The following PDZD9 variants were observed in gnomAD, a reference collection of about 807,000 sequenced individuals.
PDZD9 encodes PDZ domain containing 9.
In PDZD9, 13 loss-of-function variants were observed where a neutral mutation model predicts 16.3. That is an observed-to-expected ratio of 0.80 (90% CI 0.52 to 1.27). The LOEUF is 1.27. PDZD9 is among the 50% of genes most tolerant of loss of function. The pLI is 0.00. For synonymous variants in PDZD9, 120 were observed against 111.0 expected (o/e 1.08, Z -0.51); for missense variants, 288 against 310.9 (o/e 0.93, Z 0.55).
chr16:21,975,168 A>G, the PDZD9 span, among the ~76,000 whole-genome samples: 2 of 152,170 alleles, frequency 1.3e-5, no homozygotes, highest in Admixed American at 6.5e-5. Flanking sequence ...GGTGAGAAGT[A>G]TGAGGAGATA....
At chr16:21,983,179 G>T, downstream of PDZD9, 1 of 1,612,328 alleles carries the variant, frequency 6.2e-7, no homozygotes, top group South Asian at 1.1e-5. Context: ...TAATACTGAT[G>T]CACACATTAC....
chr16:21,972,928 T>C, the PDZD9 span, among the ~76,000 whole-genome samples: 1 of 152,146 alleles, frequency 6.6e-6, no homozygotes, highest in South Asian at 2.1e-4. Context: ...AGTGAAACCC[T>C]GTCTCTACTA....
intron 2 of PDZD9, among the ~76,000 whole-genome samples, chr16:21,993,319 G>A (rs74012193): frequency 0.052 from 7,871 of 152,018 alleles, 693 homozygotes; most frequent in African/African-American, 0.18. Context: ...GTATGCACCC[G>A]GATCATCACC....
At chr16:21,988,003 CTTTTTT>C (rs773101505) in intron 3 of PDZD9, among the ~76,000 whole-genome samples, 6 of 100,698 alleles carry the variant, frequency 6.0e-5, no homozygotes, top group East Asian at 5.5e-4. Flanking sequence ...GCAAGAAGCA[CTTTTTT>C]TTTTTTTTTT....
At chr16:21,962,501 G>A in the PDZD9 span, 28 of 1,614,180 alleles carry the variant, frequency 1.7e-5, no homozygotes, top group Non-Finnish European at 2.4e-5. Context: ...ACTGTGGAAT[G>A]CCTGCGGGGT....
rs1475127207 is a variant in PDZD9 at position 21,996,337 on chromosome 16, C to T, written c.196G>A (p.Gly66Arg). ...GGGCAATCACCTGGCTGGAGTTTCC[C>T]GTCGTTGGCTGCAGCCCCCTTCCTG... Reference protein sequence around the residue: ...LIRKGAAANDGKLQPGDVLIS... With the variant: ...LIRKGAAANDRKLQPGDVLIS... The change falls in exon 2 of 4, where the codon GGG (glycine) becomes AGG (arginine). Residue 66 changes from glycine (G) to arginine (R), a missense_variant. Transcript: ENST00000424898. 7.8e-6 allele frequency: 12 copies of T among 1,535,458 alleles called. No homozygotes were observed. Among genetic ancestry groups the T allele is most frequent in the Middle Eastern group, 1.7e-4 (1 of 5,752 alleles).
chr16:21,988,543 G>T, intron 3 of PDZD9, 59 bp downstream of exon 3: 1 of 1,351,826 alleles, frequency 7.4e-7, no homozygotes, highest in Non-Finnish European at 1.0e-6. Flanking sequence ...AACCATCTAT[G>T]CCTCACAGGC....
At chr16:21,983,272 C>T (rs768877148), downstream of PDZD9, 43 of 1,055,832 alleles carry the variant, frequency 4.1e-5, no homozygotes, top group South Asian at 5.7e-4. Flanking sequence ...TGTCTTTTTT[C>T]CAGTGAGGTA....
At chr16:21,998,859 T>C (rs1899219187) in intron 1 of PDZD9, 1 of 174,474 alleles carries the variant, frequency 5.7e-6, no homozygotes, top group African/African-American at 2.5e-5. Context: ...TTGGAGCAAG[T>C]AAATACATGC....
At chr16:21,981,339 A>C (rs150024244), downstream of PDZD9, among the ~76,000 whole-genome samples, 10 of 152,264 alleles carry the variant, frequency 6.6e-5, no homozygotes, top group African/African-American at 2.4e-4. Context: ...AATTAATCCA[A>C]AGTAAGTGGG....
the PDZD9 span, chr16:21,958,451 C>T: frequency 1.7e-6 from 2 of 1,199,106 alleles, no homozygotes; most frequent in South Asian, 2.7e-5. Flanking sequence ...TTTAAATCTG[C>T]TCACAACAGA....
At chr16:21,973,373 G>T in the PDZD9 span, among the ~76,000 whole-genome samples, 1 of 152,136 alleles carries the variant, frequency 6.6e-6, no homozygotes, top group African/African-American at 2.4e-5. Flanking sequence ...AGAGCTAAAA[G>T]CTCTGCTCAA....
chr16:21,984,227 G>C lies in PDZD9; in HGVS notation c.*40C>G. On this transcript the variant is annotated 3_prime_UTR_variant, in exon 4 of 4. Coordinates refer to ENST00000424898, the MANE Select transcript of PDZD9 (RefSeq NM_001363519.1). ...TTGTGCCTGGTGAGGCACAAAACTTGGGTGTCTGCAAGATAAATGCTCATA... is the reference window on the plus strand; with the variant it reads ...TTGTGCCTGGTGAGGCACAAAACTTCGGTGTCTGCAAGATAAATGCTCATA... 6.4e-7 allele frequency: 1 copy of C among 1,561,256 alleles called. No homozygotes were observed. Among genetic ancestry groups the C allele is most frequent in the Non-Finnish European group, 8.7e-7 (1 of 1,152,064 alleles).
downstream of PDZD9, chr16:21,980,518 A>C (rs1481421784): frequency 6.2e-7 from 1 of 1,605,064 alleles, no homozygotes; most frequent in Admixed American, 1.7e-5. Flanking sequence ...CTTGCTCTCT[A>C]AAACTGACTT....
At chr16:21,966,664 T>A in the PDZD9 span, among the ~76,000 whole-genome samples, 1 of 152,234 alleles carries the variant, frequency 6.6e-6, no homozygotes, top group Non-Finnish European at 1.5e-5. Context: ...GGCACTTTTA[T>A]TTAGAAATTT....
At chr16:21,976,261 CTGTGT>C in the PDZD9 span, 2 of 1,589,224 alleles carry the variant, frequency 1.3e-6, no homozygotes. Flanking sequence ...TCAGTATTAA[CTGTGT>C]TTTATGTTTT....
At position 21,984,507 on chromosome 16, in the gene PDZD9, G is replaced by A; in HGVS notation, c.555C>T (p.Asp185=). 6.2e-7 allele frequency: 1 copy of A among 1,608,664 alleles called. No homozygotes were observed. Among genetic ancestry groups the A allele is most frequent in the South Asian group, 1.1e-5 (1 of 90,914 alleles). Residue 185 remains aspartate, a synonymous_variant, in exon 4 of 4, where the codon GAC becomes GAT. Coordinates refer to ENST00000424898, the MANE Select transcript of PDZD9 (RefSeq NM_001363519.1). The stretch of plus-strand genomic sequence containing the variant: ...GGTTCTTCTTCTTATATCCATGCCA[G>A]TCTCTGGAGATGGATATTGGTCTCC... ...PARRPISISR[D]WHGYKKKNHT...
chr16:22,000,040 C>CAA (rs781141020), intron 1 of PDZD9, among the ~76,000 whole-genome samples: 4 of 131,914 alleles, frequency 3.0e-5, no homozygotes, highest in African/African-American at 2.8e-5. Context: ...GACTCTGTCT[C>CAA]AAAAAAAAAA....
the PDZD9 span, among the ~76,000 whole-genome samples, chr16:21,972,458 G>A: frequency 6.6e-6 from 1 of 152,062 alleles, no homozygotes; most frequent in Non-Finnish European, 1.5e-5. Context: ...ATTTTCTTCT[G>A]TCCGCTTCTG....
Sources: allele counts gnomAD v4.1 joint callset (sites outside exome capture counted in the v4.1 genomes callset), GRCh38; gene constraint gnomAD v4.1.1; transcripts MANE v1.5; gene names NCBI Gene and HGNC (gene_info 2026-07-23, HGNC 2026-07-21).